CEP85L: variants seen among roughly 807,000 people sequenced by gnomAD.
CEP85L encodes centrosomal protein of 85 kDa-like.
A neutral mutation model predicts 100.3 loss-of-function variants in CEP85L; 60 were observed. The observed-to-expected ratio is 0.60, with a 90% CI of 0.49 to 0.74. The LOEUF is 0.74. Ranked by LOEUF, CEP85L falls within the 30% of genes least tolerant of loss-of-function variation. The pLI is 0.00. For missense variants in CEP85L, 973 were observed against 936.2 expected (o/e 1.04, Z -0.51); for synonymous variants, 319 against 322.7 (o/e 0.99, Z 0.12).
chr6:118,506,460 C>T (rs1039661208), intron 5 of CEP85L, among the ~76,000 whole-genome samples: 20 of 152,144 alleles, frequency 1.3e-4, no homozygotes, highest in Admixed American at 8.5e-4. Flanking sequence ...AGGAAGAGCA[C>T]CCAAAGGGCA....
intron 1 of CEP85L, among the ~76,000 whole-genome samples, chr6:118,639,672 T>C (rs1248048429): frequency 6.6e-6 from 1 of 152,170 alleles, no homozygotes; most frequent in Non-Finnish European, 1.5e-5. Flanking sequence ...GACTTTCTTC[T>C]CCCTCACCAA....
intron 2 of CEP85L, among the ~76,000 whole-genome samples, chr6:118,617,133 C>T (rs9489471): frequency 0.021 from 3,128 of 152,112 alleles, 76 homozygotes; most frequent in African/African-American, 0.061. Flanking sequence ...CTTCCTGGGT[C>T]GAGTAGGGGC....
intron 2 of CEP85L, among the ~76,000 whole-genome samples, chr6:118,622,500 G>T (rs924958999): frequency 1.3e-5 from 2 of 152,160 alleles, no homozygotes; most frequent in African/African-American, 2.4e-5. Context: ...AGGTACAAAG[G>T]GCAGGCTATG....
chr6:118,597,945 T>C (rs924660355), intron 2 of CEP85L, among the ~76,000 whole-genome samples: 11 of 152,196 alleles, frequency 7.2e-5, no homozygotes, highest in African/African-American at 2.7e-4. Flanking sequence ...CTATTGAGGT[T>C]GAAGTCAGTG....
rs577769762 is a variant in CEP85L, at chr6:118,489,975, G to GTA, written c.1437+1709_1437+1710dup. Among the ~76,000 whole-genome samples, 153 of 150,474 alleles carry GTA rather than the reference G, an allele frequency of 1.0e-3. 4 individuals are homozygous for GTA. The South Asian group carries it at 0.027, about 27-fold the overall frequency. On this transcript the variant is annotated intron_variant, in intron 6 of 12. Coordinates refer to ENST00000368491, the MANE Select transcript of CEP85L (RefSeq NM_001042475.3). ...CATGCACACACACACATACGTGTGT[G>GTA]TATATATATACACACACACACGCAC...
rs562783789 is a variant in CEP85L at position 118,601,722 on chromosome 6, C to A, written c.232+30731G>T. ...TAAACAGGGGGTGGATTATTCATGC[C>A]TCCCCCTTTTAGACCATATAGGGTA... On this transcript the variant is annotated intron_variant, in intron 2 of 12. Transcript: ENST00000368491. 2.0e-5 allele frequency among the ~76,000 whole-genome samples: 3 copies of A among 152,236 alleles called. No individual in the cohort carries two copies. In the East Asian group the frequency reaches 5.8e-4, roughly 29 times the overall value.
intron 3 of CEP85L, among the ~76,000 whole-genome samples, chr6:118,562,770 T>C (rs976025713): frequency 1.3e-5 from 2 of 152,180 alleles, no homozygotes; most frequent in Non-Finnish European, 2.9e-5. Context: ...TTTCATCTTT[T>C]TAATGACTGC....
intron 2 of CEP85L, among the ~76,000 whole-genome samples, chr6:118,592,441 G>C (rs1031859681): frequency 2.0e-5 from 3 of 146,926 alleles, no homozygotes; most frequent in Admixed American, 7.0e-5. Context: ...GTAACATATT[G>C]CAAAATTTTA....
chr6:118,540,686 G>A (rs1007123622), intron 3 of CEP85L, among the ~76,000 whole-genome samples: 5 of 151,958 alleles, frequency 3.3e-5, no homozygotes, highest in African/African-American at 7.3e-5. Context: ...GAACCTGGGA[G>A]GCGAAGCTTG....
chr6:118,689,493 C>T (rs1337118463), intron 1 of CEP85L, among the ~76,000 whole-genome samples: 4 of 152,108 alleles, frequency 2.6e-5, no homozygotes, highest in Non-Finnish European at 5.9e-5. Flanking sequence ...ATTCTTTTTA[C>T]TATAGAATGT....
At chr6:118,658,669 T>C (rs184974160) in intron 1 of CEP85L, among the ~76,000 whole-genome samples, 155 of 152,268 alleles carry the variant, frequency 1.0e-3, no homozygotes, top group African/African-American at 3.5e-3. Flanking sequence ...GAAATTATGA[T>C]TGTAAATATA....
intron 2 of CEP85L, among the ~76,000 whole-genome samples, chr6:118,570,146 TAAAC>T (rs1562271484): frequency 6.6e-6 from 1 of 152,056 alleles, no homozygotes; most frequent in Non-Finnish European, 1.5e-5. Flanking sequence ...CAAAACTTAA[TAAAC>T]AAAGGTAACC....
chr6:118,595,282 C>CATTGTT lies in CEP85L; in HGVS notation c.233-28967_233-28966insAACAAT, dbSNP rs57121633. On this transcript the variant is annotated intron_variant, in intron 2 of 12. Coordinates refer to ENST00000368491, the MANE Select transcript of CEP85L (RefSeq NM_001042475.3). ...TGGTAGACACATCTATCCTCATTGT[C>CATTGTT]GTAGATCTATTTCCTTCCAACCTGG... is the stretch of plus-strand genomic sequence containing the variant. 4.4e-3 allele frequency among the ~76,000 whole-genome samples: 670 copies of CATTGTT among 152,014 alleles called. 8 individuals are homozygous for CATTGTT. The highest frequency in any genetic ancestry group is 0.016 in the African/African-American group (649 of 41,406).
In CEP85L at chr6:118,705,285, AT is replaced by A. The variant is rs1190052175; in HGVS notation, c.-28+4750del. ...CTCATATCCTGCCTTTTCTTATTAG[AT>A]TTTGGCTTCTTGTTTTATTGATAAT... On this transcript the variant is annotated intron_variant, in intron 1 of 13. Coordinates refer to the CEP85L transcript ENST00000368488. 7.2e-5 allele frequency among the ~76,000 whole-genome samples: 11 copies of A among 152,290 alleles called. No homozygotes were observed. In the East Asian group the frequency reaches 1.9e-3, roughly 27 times the overall value.
intron 5 of CEP85L, among the ~76,000 whole-genome samples, chr6:118,505,193 G>A (rs1268740044): frequency 6.6e-6 from 1 of 151,880 alleles, no homozygotes; most frequent in African/African-American, 2.4e-5. Context: ...TGTAATCCCA[G>A]CACTTTGGCG....
intron 3 of CEP85L, among the ~76,000 whole-genome samples, chr6:118,527,002 C>CTTTTTTT (rs764883723): frequency 0.012 from 1,211 of 98,554 alleles, 8 homozygotes; most frequent in Non-Finnish European, 0.016. Flanking sequence ...TTTACTTTTT[C>CTTTTTTT]TTTTTTTTTT....
At chr6:118,597,236 T>C (rs1781502795) in intron 2 of CEP85L, among the ~76,000 whole-genome samples, 1 of 152,150 alleles carries the variant, frequency 6.6e-6, no homozygotes, top group African/African-American at 2.4e-5. Flanking sequence ...AACAGAGTAA[T>C]ACACCCTTGA....
intron 1 of CEP85L, among the ~76,000 whole-genome samples, chr6:118,706,478 C>A (rs1777596673): frequency 6.6e-6 from 1 of 152,202 alleles, no homozygotes; most frequent in African/African-American, 2.4e-5. Flanking sequence ...AATCTAGCCC[C>A]TTTGAGATGT....
intron 2 of CEP85L, among the ~76,000 whole-genome samples, chr6:118,605,646 G>C (rs1188750845): frequency 6.6e-6 from 1 of 152,088 alleles, no homozygotes; most frequent in Non-Finnish European, 1.5e-5. Flanking sequence ...AGGGTCTGTG[G>C]CACTTCCTCT....
Sources: gnomAD v4.1 joint callset for allele counts (sites outside exome capture counted in the v4.1 genomes callset) on GRCh38, gnomAD v4.1.1 for gene constraint, MANE v1.5 for transcripts, NCBI Gene and HGNC (gene_info 2026-07-23, HGNC 2026-07-21) for gene names.